The following BBS2 variants were observed in gnomAD, a reference collection of about 807,000 sequenced individuals.
BBS2 encodes BBSome complex member BBS2.
BBS2 carries 62 observed loss-of-function variants against 83.0 expected under a neutral mutation model. The observed-to-expected ratio is 0.75, with a 90% CI of 0.61 to 0.92. The LOEUF is 0.92. BBS2 is among the 40% of genes least tolerant of loss of function. The pLI is 0.00. For missense variants in BBS2, 784 were observed against 901.0 expected, an observed-to-expected ratio of 0.87 and a Z score of 1.66; for synonymous variants, 303 against 326.1, an observed-to-expected ratio of 0.93 and a Z score of 0.76.
intron 9 of BBS2, 189 bp from the exon 10 acceptor site, chr16:56,501,686 G>T: frequency 1.3e-6 from 1 of 741,698 alleles, no homozygotes. Context: ...TGGCCCTGTG[G>T]GAAAATACCC....
chr16:56,520,024 T>C lies in BBS2; in HGVS notation c.-162A>G, dbSNP rs1172917262. ...GGGACGAACCCGTCCAGGTACCGCCTGCTCCTCCTGCGGCGGCGCAGACCC... is the reference window on the plus strand; with the variant it reads ...GGGACGAACCCGTCCAGGTACCGCCCGCTCCTCCTGCGGCGGCGCAGACCC... On this transcript the variant is annotated 5_prime_UTR_variant, in exon 1 of 17. Transcript: ENST00000245157. 6.1e-6 allele frequency: 4 copies of C among 660,600 alleles called. No individual in the cohort carries two copies. The highest frequency in any genetic ancestry group is 4.5e-5 in the Admixed American group (2 of 44,816). 40.9% of individuals were successfully genotyped at this position (660,600 alleles called of 1,614,324 possible).
chr16:56,501,084 G>A lies in BBS2; in HGVS notation c.1226-59C>T, dbSNP rs1964257522. On this transcript the variant is annotated intron_variant, in intron 10 of 16. Transcript: ENST00000245157. ...CTCCAACTTTGGGAAGCTGAGGTGG[G>A]CAGATCACGAGGTCAGGAGGTCGAG... is the stretch of plus-strand genomic sequence containing the variant. 12 of 1,574,424 alleles carry A rather than the reference G, an allele frequency of 7.6e-6. No homozygotes were observed. The African/African-American group carries it at 1.5e-4, about 19-fold the overall frequency.
In BBS2 at chr16:56,497,781, G is replaced by A. The variant is rs1288834218; in HGVS notation, c.1759C>T (p.Pro587Ser). The change falls in exon 14 of 17, where the codon CCT (proline) becomes TCT (serine). Residue 587 changes from proline to serine, a missense_variant. Pro to Ser is a moderately conservative substitution (Grantham distance 74). Transcript: ENST00000245157. ...TTTCGTAATTCCTCAAAATAGACAG[G>A]AAAATCCGCTTCTACTTGAAGGTCT... ...IEDLQVEADFPVYFEELRKVL... is the reference protein window; with the variant it reads ...IEDLQVEADFSVYFEELRKVL... 18 of 1,613,174 alleles carry A rather than the reference G, an allele frequency of 1.1e-5. No homozygotes were observed. Among genetic ancestry groups the A allele is most frequent in the Non-Finnish European group, 1.4e-5 (17 of 1,179,902 alleles).
At chr16:56,479,952 C>G (rs931667808), downstream of BBS2, among the ~76,000 whole-genome samples, 1 of 152,256 alleles carries the variant, frequency 6.6e-6, no homozygotes, top group Non-Finnish European at 1.5e-5. Context: ...AACTCCACAT[C>G]TTTTCTGACT....
rs780586216 is a variant in BBS2 at position 56,501,507 on chromosome 16, A to G, written c.1081-10T>C. Reference sequence around the variant, plus strand: ...GACTGGCCAATTCAGCCTGCAAAACACCCCACCCATTTCCTACTCAGTCAC... The same window carrying G: ...GACTGGCCAATTCAGCCTGCAAAACGCCCCACCCATTTCCTACTCAGTCAC... On this transcript the variant is annotated splice_polypyrimidine_tract_variant and intron_variant, in intron 9 of 16. Transcript: ENST00000245157. The G allele has an allele frequency of 6.2e-7, 1 of 1,614,032 alleles. No homozygotes were observed. The highest frequency in any genetic ancestry group is 1.7e-5 in the Admixed American group (1 of 60,004).
intron 15 of BBS2, among the ~76,000 whole-genome samples, chr16:56,486,133 A>C (rs1963769640): frequency 6.6e-6 from 1 of 152,238 alleles, no homozygotes; most frequent in Non-Finnish European, 1.5e-5. Context: ...AAACAAAGTC[A>C]TAAAATTAAA....
intron 17 of BBS2, chr16:56,476,187 A>T: frequency 6.2e-7 from 1 of 1,612,054 alleles, no homozygotes; most frequent in African/African-American, 1.3e-5. Flanking sequence ...GGGACTTTTC[A>T]TTCATCTATT....
At chr16:56,516,983 CTTTAT>C (rs1398127899) in intron 1 of BBS2, among the ~76,000 whole-genome samples, 27 of 151,626 alleles carry the variant, frequency 1.8e-4, no homozygotes, top group Non-Finnish European at 3.1e-4. Flanking sequence ...AAGGGATCTC[CTTTAT>C]TTTATTTATT....
Position 56,511,277 on chromosome 16 carries a change from T to A in BBS2, c.353A>T (p.Asp118Val), listed in dbSNP as rs1168794394. ...CCCCAGCACAATTGCATTTGCCCCA[T>A]CTGCTACCTAAGAAAAGTAAAAGGA... is the stretch of plus-strand genomic sequence containing the variant. ...NSDLFYREVA[D>V]GANAIVLGTL... The change falls in exon 3 of 17, where the codon GAT becomes GTT. Residue 118 changes from aspartate to valine, a missense_variant. By Grantham distance (152) the Asp-to-Val change is radical (BLOSUM62 -3). Coordinates refer to ENST00000245157, the MANE Select transcript of BBS2 (RefSeq NM_031885.5). 1.3e-5 allele frequency: 21 copies of A among 1,613,892 alleles called. No homozygotes were observed. The highest frequency in any genetic ancestry group is 1.6e-5 in the Non-Finnish European group (19 of 1,179,970).
rs1342870126 is a variant in BBS2 at position 56,491,742 on chromosome 16, A to C, written c.1910+5225T>G. On this transcript the variant is annotated intron_variant, in intron 15 of 16. Coordinates refer to ENST00000245157, the MANE Select transcript of BBS2 (RefSeq NM_031885.5). ...CTCAACAGCAAAAAAAAAAAAAAAA[A>C]AAAACACTAGTAATCCAATTAAAAA... Among the ~76,000 whole-genome samples the C allele has an allele frequency of 2.1e-3, 320 of 151,474 alleles. 2 individuals carry two copies. The highest frequency in any genetic ancestry group is 6.5e-3 in the African/African-American group (269 of 41,420).
intron 17 of BBS2, chr16:56,478,873 C>G (rs532438405): frequency 1.3e-5 from 2 of 152,178 alleles, no homozygotes; most frequent in Admixed American, 6.5e-5. Flanking sequence ...TACAGCAGCA[C>G]CTCTTAGATT....
At chr16:56,491,276 CA>C (rs1963944199) in intron 15 of BBS2, among the ~76,000 whole-genome samples, 1 of 152,132 alleles carries the variant, frequency 6.6e-6, no homozygotes, top group Non-Finnish European at 1.5e-5. Context: ...GTCATGGGGG[CA>C]GATCCCTCAT....
chr16:56,501,304 C>G (rs531542656), intron 10 of BBS2, 49 bp downstream of exon 10: 1 of 1,607,888 alleles, frequency 6.2e-7, no homozygotes, highest in Non-Finnish European at 8.5e-7. Flanking sequence ...AAGAATGACT[C>G]CAAGATGGCA....
intron 15 of BBS2, among the ~76,000 whole-genome samples, chr16:56,492,038 A>AAATTTTT (rs577111933): frequency 6.6e-6 from 1 of 151,638 alleles, no homozygotes. Flanking sequence ...TTAAAAATTT[A>AAATTTTT]AATTTTTAAT....
intron 7 of BBS2, among the ~76,000 whole-genome samples, chr16:56,504,014 G>A (rs1045407068): frequency 2.0e-5 from 3 of 151,812 alleles, no homozygotes; most frequent in Non-Finnish European, 2.9e-5. Context: ...CAATCATTTC[G>A]ATGACCAATG....
At chr16:56,485,569 G>A (rs755910007) in intron 16 of BBS2, 21 bp downstream of exon 16, 1 of 1,613,684 alleles carries the variant, frequency 6.2e-7, no homozygotes, top group Non-Finnish European at 8.5e-7. Context: ...TCAAAGTGCA[G>A]TGTTATGAAA....
At chr16:56,480,065 T>C (rs568438327), downstream of BBS2, among the ~76,000 whole-genome samples, 1 of 152,238 alleles carries the variant, frequency 6.6e-6, no homozygotes, top group Non-Finnish European at 1.5e-5. Context: ...TACTGGAAAT[T>C]AGGAACGTTT....
intron 17 of BBS2, among the ~76,000 whole-genome samples, chr16:56,472,042 GCCTTGACCT>G (rs1391142741): frequency 6.6e-6 from 1 of 152,078 alleles, no homozygotes; most frequent in Non-Finnish European, 1.5e-5. Context: ...GCTCACTGCA[GCCTTGACCT>G]CCTAGGCTCG....
chr16:56,472,212 C>G (rs900337928), intron 17 of BBS2, among the ~76,000 whole-genome samples: 1 of 151,998 alleles, frequency 6.6e-6, no homozygotes, highest in Non-Finnish European at 1.5e-5. Context: ...TCAAGTAATC[C>G]TCCTACCTTG....
Sources: allele counts gnomAD v4.1 joint callset (sites outside exome capture counted in the v4.1 genomes callset), GRCh38; gene constraint gnomAD v4.1.1; transcripts MANE v1.5; gene names NCBI Gene and HGNC (gene_info 2026-07-23, HGNC 2026-07-21).